The following PTCD2 variants were observed in gnomAD, a reference collection of about 807,000 sequenced individuals.
PTCD2 encodes pentatricopeptide repeat-containing protein 2, mitochondrial.
In PTCD2, 31 loss-of-function variants were observed where a neutral mutation model predicts 42.6. The ratio of observed to expected loss-of-function variants is 0.73; its 90% CI spans 0.55 to 0.98. The LOEUF (loss-of-function observed/expected upper bound fraction) is 0.98. Among genes scored for constraint, PTCD2 ranks in the 50% least tolerant of loss-of-function variants. The pLI is 0.00. For missense variants in PTCD2, 476 were observed against 454.8 expected (o/e 1.05, Z -0.42); for synonymous variants, 183 against 170.9 (o/e 1.07, Z -0.55).
intron 3 of PTCD2, among the ~76,000 whole-genome samples, chr5:72,329,770 C>T (rs1336048071): frequency 1.3e-5 from 2 of 152,140 alleles, no homozygotes; most frequent in African/African-American, 4.8e-5. Context: ...GACGGAAGCA[C>T]AGAGTAGTTA....
chr5:72,331,856 T>C (rs1412114997), intron 4 of PTCD2, among the ~76,000 whole-genome samples: 1 of 152,266 alleles, frequency 6.6e-6, no homozygotes, highest in East Asian at 1.9e-4. Flanking sequence ...TTACAGCTAC[T>C]CATTGAATAT....
chr5:72,355,301 AGTTTT>A (rs1752819966), intron 9 of PTCD2, among the ~76,000 whole-genome samples: 1 of 152,240 alleles, frequency 6.6e-6, no homozygotes, highest in Admixed American at 6.5e-5. Context: ...GATGATGGAT[AGTTTT>A]GTTAGCTTGA....
At chr5:72,351,217 T>C (rs942635249) in intron 8 of PTCD2, among the ~76,000 whole-genome samples, 1 of 152,198 alleles carries the variant, frequency 6.6e-6, no homozygotes, top group Admixed American at 6.5e-5. Flanking sequence ...CTAGTAAATA[T>C]TGGTAATTGG....
intron 8 of PTCD2, 71 bp downstream of exon 8, chr5:72,343,107 T>C: frequency 2.6e-6 from 2 of 765,080 alleles, no homozygotes; most frequent in Non-Finnish European, 3.7e-6. Flanking sequence ...AATAAAATTA[T>C]ACCTAAATTT....
intron 3 of PTCD2, among the ~76,000 whole-genome samples, chr5:72,330,099 ATT>A (rs767099502): frequency 7.8e-5 from 11 of 141,822 alleles, no homozygotes; most frequent in Non-Finnish European, 4.7e-5. Context: ...CGCCCGGCTA[ATT>A]TTTTTTTTTT....
intron 2 of PTCD2, among the ~76,000 whole-genome samples, chr5:72,324,792 T>C (rs1429192820): frequency 1.3e-5 from 2 of 152,220 alleles, no homozygotes; most frequent in Admixed American, 6.5e-5. Context: ...GGGCAGGAAC[T>C]ATTCCTTACG....
intron 9 of PTCD2, among the ~76,000 whole-genome samples, chr5:72,356,513 A>ATG (rs60398637): frequency 1 from 152,307 of 152,364 alleles, 76,125 homozygotes; most frequent in Middle Eastern, 1. Flanking sequence ...CATTTTACAA[A>ATG]GTGCATTTAA....
Position 72,361,452 on chromosome 5 carries a change from A to G in PTCD2, c.*3025A>G, listed in dbSNP as rs1753092724. The G allele has an allele frequency of 6.6e-6, 1 of 152,226 alleles. No individual in the cohort carries two copies. The highest frequency in any genetic ancestry group is 1.5e-5 in the Non-Finnish European group (1 of 68,050). 9.4% of individuals were successfully genotyped at this position (152,226 alleles called of 1,614,324 possible). On this transcript the variant is annotated 3_prime_UTR_variant, in exon 10 of 10. Transcript: ENST00000380639. ...TGTCTACACATAGCTTCCCCACAGC[A>G]TGGTGGCTAGGTACTAGGAGTGACT...
Position 72,342,865 on chromosome 5 carries a change from G to A in PTCD2, c.754-97G>A, listed in dbSNP as rs759920801. ...TCTTTGTGGACTTCAAAACCCTGAGGTCACCTTAATAGGAATATACTGCCC... is the reference window on the plus strand; with the variant it reads ...TCTTTGTGGACTTCAAAACCCTGAGATCACCTTAATAGGAATATACTGCCC... On this transcript the variant is annotated intron_variant, in intron 7 of 9. Transcript: ENST00000380639. 5 of 560,430 alleles carry A rather than the reference G, an allele frequency of 8.9e-6. No individual in the cohort carries two copies. The Admixed American group carries it at 1.3e-4, about 15-fold the overall frequency. 34.7% of individuals were successfully genotyped at this position (560,430 alleles called of 1,614,324 possible). A position where few individuals can be genotyped will look rare whatever the true frequency, so the allele number is the denominator to read the frequency against.
intron 7 of PTCD2, among the ~76,000 whole-genome samples, chr5:72,340,744 G>A (rs1228115261): frequency 6.6e-6 from 1 of 151,748 alleles, no homozygotes; most frequent in African/African-American, 2.4e-5. Flanking sequence ...ATTTCAAGGT[G>A]ACATTTTCTT....
At chr5:72,332,608 A>T (rs1279685820) in intron 4 of PTCD2, among the ~76,000 whole-genome samples, 1 of 152,108 alleles carries the variant, frequency 6.6e-6, no homozygotes, top group Non-Finnish European at 1.5e-5. Flanking sequence ...AGCCATGAGT[A>T]TGGTGATAAA....
Position 72,344,256 on chromosome 5 carries a change from G to A in PTCD2, c.828+1220G>A, listed in dbSNP as rs531520019. 1.1e-4 allele frequency among the ~76,000 whole-genome samples: 17 copies of A among 152,296 alleles called. No individual in the cohort carries two copies. In the South Asian group the frequency reaches 3.5e-3, roughly 32 times the overall value. On this transcript the variant is annotated intron_variant, in intron 8 of 9. Transcript: ENST00000380639. ...TGGCTGGGCACGGTGGCTCACACCT[G>A]TAATCCCAGCACTTTGGGAAGCCAA...
At chr5:72,346,563 G>C (rs1157081996) in intron 8 of PTCD2, among the ~76,000 whole-genome samples, 2 of 152,190 alleles carry the variant, frequency 1.3e-5, no homozygotes, top group African/African-American at 4.8e-5. Flanking sequence ...ACACGCTAAA[G>C]CAGGTCTGGG....
chr5:72,325,094 T>C (rs1353920346), intron 2 of PTCD2, among the ~76,000 whole-genome samples: 1 of 152,126 alleles, frequency 6.6e-6, no homozygotes. Flanking sequence ...GGCTACTTTT[T>C]GTATTTTTGG....
At chr5:72,333,911 TG>T (rs1751578482) in intron 4 of PTCD2, among the ~76,000 whole-genome samples, 1 of 152,220 alleles carries the variant, frequency 6.6e-6, no homozygotes, top group Non-Finnish European at 1.5e-5. Flanking sequence ...GGGAATACAG[TG>T]GCACTATTAT....
At position 72,343,073 on chromosome 5, in the gene PTCD2, A is replaced by G. The variant is rs752318144; in HGVS notation, c.828+37A>G. On this transcript the variant is annotated intron_variant, in intron 8 of 9. Coordinates refer to ENST00000380639, the MANE Select transcript of PTCD2 (RefSeq NM_024754.5). ...CTTTATGGTTTAAGGTAAGCCTTGA[A>G]ATGTATTATAATAAATGTATTATAA... 12 of 1,107,778 alleles carry G rather than the reference A, an allele frequency of 1.1e-5. No homozygotes were observed. In the South Asian group the frequency reaches 2.1e-4, roughly 20 times the overall value. The allele number at this position is 1,107,778 out of a possible 1,614,324, so 68.6% of individuals were successfully genotyped here.
chr5:72,358,737 C>A lies in PTCD2; in HGVS notation c.*310C>A. 2.8e-6 allele frequency: 1 copy of A among 360,830 alleles called. No individual in the cohort carries two copies. The allele number at this position is 360,830 out of a possible 1,614,324, so 22.4% of individuals were successfully genotyped here. On this transcript the variant is annotated 3_prime_UTR_variant, in exon 10 of 10. Transcript: ENST00000380639. ...CAGAGTGGAACCCAGTAAGCACCAT[C>A]AGGAATGAATTTCACTACAAGTGTG...
At chr5:72,343,085 T>C (rs1303460900) in intron 8 of PTCD2, 49 bp downstream of exon 8, 1 of 975,458 alleles carries the variant, frequency 1.0e-6, no homozygotes, top group African/African-American at 1.7e-5. Flanking sequence ...TGTATTATAA[T>C]AAATGTATTA....
Position 72,335,046 on chromosome 5 carries a change from C to T in PTCD2, c.497C>T (p.Thr166Ile), listed in dbSNP as rs1751655961. 1 of 1,595,170 alleles carries T rather than the reference C, an allele frequency of 6.3e-7. No individual in the cohort carries two copies. Among genetic ancestry groups the T allele is most frequent in the Non-Finnish European group, 8.6e-7 (1 of 1,163,328 alleles). ...TTACGAGGTTTCTTCTCAGACTCCA[C>T]ATCATTCAATATTTTGATGGATATG... ...QHLRGFFSDSTSFNILMDMLF... is the reference protein window; with the variant it reads ...QHLRGFFSDSISFNILMDMLF... Residue 166 changes from threonine to isoleucine, a missense_variant, in exon 5 of 10, where the codon ACA (threonine) becomes ATA (isoleucine). Coordinates refer to ENST00000380639, the MANE Select transcript of PTCD2 (RefSeq NM_024754.5).
Sources: allele counts gnomAD v4.1 joint callset (sites outside exome capture counted in the v4.1 genomes callset), GRCh38; gene constraint gnomAD v4.1.1; transcripts MANE v1.5; gene names NCBI Gene and HGNC (gene_info 2026-07-23, HGNC 2026-07-21).